Variants in TENM2 observed in about 807,000 individuals in gnomAD.
TENM2 encodes teneurin-2.
Under a neutral mutation model 245.2 loss-of-function variants are expected in TENM2, and 52 were observed. The ratio of observed to expected loss-of-function variants is 0.21; its 90% confidence interval spans 0.17 to 0.27. The LOEUF (loss-of-function observed/expected upper bound fraction) is 0.27. Ranked by LOEUF, TENM2 falls within the 10% of genes least tolerant of loss-of-function variation. The pLI is 1.00. For synonymous variants in TENM2, 1,363 were observed against 1,438.9 expected (o/e 0.95, Z 1.19); for missense variants, 3,046 against 3,666.8 (o/e 0.83, Z 4.37).
chr5:167,335,525 C>G (rs997520308), intron 1 of TENM2, among the ~76,000 whole-genome samples: 16 of 152,292 alleles, frequency 1.1e-4, no homozygotes, highest in African/African-American at 3.9e-4. Context: ...TCTACCACTA[C>G]TACCATTTCG....
intron 4 of TENM2, among the ~76,000 whole-genome samples, chr5:167,956,488 G>T (rs978288613): frequency 5.9e-5 from 9 of 151,918 alleles, no homozygotes; most frequent in African/African-American, 2.2e-4. Flanking sequence ...GATTTCCCTC[G>T]CCAGAACTTC....
intron 2 of TENM2, among the ~76,000 whole-genome samples, chr5:167,851,240 C>T (rs1034830457): frequency 1.7e-4 from 26 of 152,196 alleles, no homozygotes; most frequent in African/African-American, 6.3e-4. Context: ...AATTTTATCT[C>T]AGTTTGTCCT....
chr5:167,971,926 C>T (rs773821734), intron 4 of TENM2, among the ~76,000 whole-genome samples: 1 of 152,190 alleles, frequency 6.6e-6, no homozygotes, highest in African/African-American at 2.4e-5. Context: ...CTATAAATGC[C>T]GGAGTGGGGC....
rs774902857 is a variant in TENM2, at chr5:168,209,095, T to C, written c.3825-2639T>C. On this transcript the variant is annotated intron_variant, in intron 19 of 28. Transcript: ENST00000518659. ...ATCTATAGAAAGAACAGAGGGATTTTCAGTCTTTAGTAGGGCTGATCAAAA... is the reference window on the plus strand; with the variant it reads ...ATCTATAGAAAGAACAGAGGGATTTCCAGTCTTTAGTAGGGCTGATCAAAA... Among the ~76,000 whole-genome samples the C allele has an allele frequency of 2.0e-5, 3 of 152,248 alleles. No individual in the cohort carries two copies. The South Asian group carries it at 6.2e-4, about 32-fold the overall frequency.
the TENM2 span, among the ~76,000 whole-genome samples, chr5:167,028,069 C>CAAAAAAAA: frequency 2.2e-5 from 2 of 92,708 alleles, no homozygotes; most frequent in Non-Finnish European, 4.1e-5. Flanking sequence ...GATTCCATCT[C>CAAAAAAAA]AAAAAAAAAA....
intron 2 of TENM2, among the ~76,000 whole-genome samples, chr5:167,408,946 A>G (rs868123697): frequency 6.2e-4 from 94 of 150,500 alleles, no homozygotes; most frequent in African/African-American, 2.2e-3. Context: ...AATCTAATAT[A>G]TATATATATA....
chr5:167,074,738 G>A, the TENM2 span, among the ~76,000 whole-genome samples: 4 of 152,108 alleles, frequency 2.6e-5, no homozygotes, highest in African/African-American at 7.2e-5. Flanking sequence ...ATGGGTGCGC[G>A]GCCTGAACAG....
the TENM2 span, among the ~76,000 whole-genome samples, chr5:167,007,897 G>C: frequency 6.6e-6 from 1 of 152,072 alleles, no homozygotes; most frequent in South Asian, 2.1e-4. The surrounding 1 kb of genome is among the most constrained non-coding windows in gnomAD (Gnocchi z 4.2). Flanking sequence ...GGGCAGCCTG[G>C]AACAAAAGAC....
chr5:167,394,624 C>T (rs1033379766), intron 2 of TENM2, among the ~76,000 whole-genome samples: 3 of 152,040 alleles, frequency 2.0e-5, no homozygotes, highest in South Asian at 2.1e-4. Flanking sequence ...GACAGAGTCT[C>T]ACTCTGTCAC....
the TENM2 span, among the ~76,000 whole-genome samples, chr5:167,205,660 A>G: frequency 1.3e-5 from 2 of 152,198 alleles, no homozygotes; most frequent in Non-Finnish European, 2.9e-5. Flanking sequence ...TTGCTAACAG[A>G]CAACAACGTC....
At chr5:167,044,949 G>A in the TENM2 span, among the ~76,000 whole-genome samples, 3 of 152,284 alleles carry the variant, frequency 2.0e-5, no homozygotes, top group East Asian at 5.8e-4. Context: ...GAAAATGGAG[G>A]GAGCAAGGAA....
intron 23 of TENM2, among the ~76,000 whole-genome samples, chr5:168,221,911 G>C (rs1453909159): frequency 6.6e-6 from 1 of 152,178 alleles, no homozygotes; most frequent in African/African-American, 2.4e-5. Context: ...ACCTCTCTGA[G>C]CCTCAATGTC....
chr5:167,272,588 G>A, the TENM2 span, among the ~76,000 whole-genome samples: 5 of 152,018 alleles, frequency 3.3e-5, no homozygotes, highest in African/African-American at 1.2e-4. Flanking sequence ...TTTGATTCAC[G>A]TGTACTAACC....
rs577162813 is a variant in TENM2 at position 167,502,979 on chromosome 5, G to A, written c.502+127506G>A. Among the ~76,000 whole-genome samples the A allele has an allele frequency of 4.6e-5, 7 of 152,242 alleles. No individual in the cohort carries two copies. In the East Asian group the frequency reaches 5.8e-4, roughly 13 times the overall value. Reference sequence around the variant, plus strand: ...CAGGTAGCTGCGACTACAGGCGCACGCCACCATGCCTGGCTAATTTTTGTA... The same window carrying A: ...CAGGTAGCTGCGACTACAGGCGCACACCACCATGCCTGGCTAATTTTTGTA... On this transcript the variant is annotated intron_variant, in intron 2 of 28. Coordinates refer to ENST00000518659, the Ensembl canonical transcript of TENM2.
intron 2 of TENM2, among the ~76,000 whole-genome samples, chr5:167,652,043 C>T (rs200419130): frequency 7.0e-6 from 1 of 142,410 alleles, no homozygotes; most frequent in East Asian, 3.0e-4. Context: ...ATTTCACTAA[C>T]CTTTTTCTCT....
chr5:167,186,433 G>A, the TENM2 span, among the ~76,000 whole-genome samples: 1 of 152,242 alleles, frequency 6.6e-6, no homozygotes, highest in South Asian at 2.1e-4. Context: ...AAACAACAGG[G>A]CTCTCCTCCG....
rs1001385036 is a variant in TENM2 at position 167,444,480 on chromosome 5, A to G, written c.502+69007A>G. Among the ~76,000 whole-genome samples the G allele has an allele frequency of 5.9e-5, 9 of 152,168 alleles. No individual in the cohort carries two copies. In the East Asian group the frequency reaches 9.6e-4, roughly 16 times the overall value. On this transcript the variant is annotated intron_variant, in intron 2 of 28. Transcript: ENST00000518659. ...GCAAATCAGAAATTACTGTTGGCAA[A>G]TATCTAAAATAAGAACAGAAATAAT...
rs771025985 is a variant in TENM2 at position 167,573,127 on chromosome 5, T to C, written c.502+197654T>C. On this transcript the variant is annotated intron_variant, in intron 2 of 28. Coordinates refer to ENST00000518659, the Ensembl canonical transcript of TENM2. ...ACGAAGCATTTGTTTCTTCTTTTGT[T>C]TACCCATGGCAGTTTGTCAGCAGTT... Among the ~76,000 whole-genome samples the C allele has an allele frequency of 5.9e-5, 9 of 152,166 alleles. 1 individual carries two copies. Among genetic ancestry groups the C allele is most frequent in the Non-Finnish European group, 1.3e-4 (9 of 68,030 alleles).
the TENM2 span, among the ~76,000 whole-genome samples, chr5:167,107,587 G>A: frequency 6.6e-6 from 1 of 152,176 alleles, no homozygotes; most frequent in African/African-American, 2.4e-5. Flanking sequence ...TTTGACAAAT[G>A]AAGTCCAGCT....
Sources: gnomAD v4.1 joint callset for allele counts (sites outside exome capture counted in the v4.1 genomes callset) on GRCh38, gnomAD v4.1.1 for gene constraint, Gnocchi (gnomAD v3.1) non-coding constraint, MANE v1.5 for transcripts, NCBI Gene and HGNC (gene_info 2026-07-23, HGNC 2026-07-21) for gene names.